OSBPL5: variants seen among roughly 807,000 people sequenced by gnomAD.
The protein encoded by OSBPL5 is oxysterol binding protein like 5, also known as oxysterol-binding protein-related protein 5.
Under a neutral mutation model 111.2 loss-of-function variants are expected in OSBPL5, and 71 were observed. The ratio of observed to expected loss-of-function variants is 0.64; its 90% CI spans 0.53 to 0.78. The LOEUF is 0.78. OSBPL5 is among the 30% of genes least tolerant of loss of function. OSBPL5 has a pLI of 0.00. For missense variants in OSBPL5, 1,210 were observed against 1,189.3 expected, an observed-to-expected ratio of 1.02 and a Z score of -0.26; for synonymous variants, 549 against 513.9, an observed-to-expected ratio of 1.07 and a Z score of -0.93.
At position 3,159,937 on chromosome 11, in the gene OSBPL5, G is replaced by C. The variant is rs542814256; in HGVS notation, c.-22+5279C>G. On this transcript the variant is annotated intron_variant, in intron 1 of 21. Coordinates refer to ENST00000263650, the MANE Select transcript of OSBPL5 (RefSeq NM_020896.4). The stretch of plus-strand genomic sequence containing the variant: ...AAACTCTGCTGACCCTGGCACCTGG[G>C]GTGAAGAATTCCGGCTGCGTCTTCC... Among the ~76,000 whole-genome samples the C allele has an allele frequency of 9.2e-5, 14 of 152,282 alleles. No individual in the cohort carries two copies. The East Asian group carries it at 2.7e-3, about 29-fold the overall frequency.
chr11:3,092,972 G>T lies in OSBPL5; in HGVS notation c.2027C>A (p.Ala676Glu). 6.2e-7 allele frequency: 1 copy of T among 1,601,740 alleles called. No homozygotes were observed. Among genetic ancestry groups the T allele is most frequent in the Non-Finnish European group, 8.5e-7 (1 of 1,175,746 alleles). ...CCGCTCACGGGCCCGCTGCCGCTGTGCCTCCTCCAGTGCAAACTTCTCCTG... is the reference window on the plus strand; with the variant it reads ...CCGCTCACGGGCCCGCTGCCGCTGTTCCTCCTCCAGTGCAAACTTCTCCTG... ...ATQEKFALEE[A>E]QRQRARERQE... The change falls in exon 18 of 22, where the codon GCA (alanine) becomes GAA (glutamate). Residue 676 changes from alanine to glutamate, a missense_variant. Coordinates refer to ENST00000263650, the MANE Select transcript of OSBPL5 (RefSeq NM_020896.4). The surrounding 1 kb of genome is among the most constrained non-coding windows in gnomAD (Gnocchi z 5.4).
chr11:3,132,659 T>C (rs539843964), intron 1 of OSBPL5, among the ~76,000 whole-genome samples: 2 of 152,150 alleles, frequency 1.3e-5, no homozygotes, highest in East Asian at 1.9e-4. Context: ...CATCTCCACA[T>C]GGCCCGGTCC....
chr11:3,131,968 T>C (rs142688763), intron 1 of OSBPL5, among the ~76,000 whole-genome samples: 45 of 11,888 alleles, frequency 3.8e-3, no homozygotes, highest in African/African-American at 0.01. Context: ...CATCCATCCA[T>C]CCATCCACCC....
chr11:3,094,547 G>A, intron 14 of OSBPL5: 2 of 247,708 alleles, frequency 8.1e-6, no homozygotes, highest in Non-Finnish European at 1.4e-5. Flanking sequence ...GCGGAGCCTG[G>A]GAGGTGCGGA....
chr11:3,163,135 C>A (rs1400166741), intron 1 of OSBPL5, among the ~76,000 whole-genome samples: 4 of 152,234 alleles, frequency 2.6e-5, no homozygotes, highest in African/African-American at 9.6e-5. Context: ...GCTCCCCAGG[C>A]CTCTCCGGGA....
At position 3,128,724 on chromosome 11, in the gene OSBPL5, C is replaced by A. The variant is rs567022916; in HGVS notation, c.136+289G>T. 1.1e-4 allele frequency among the ~76,000 whole-genome samples: 17 copies of A among 152,296 alleles called. No homozygotes were observed. In the South Asian group the frequency reaches 3.3e-3, roughly 30 times the overall value. ...TCCCTGGAGCCTGCACTCCATAACT[C>A]CCAAAGCCTGGGCTGACTTTGGGAT... On this transcript the variant is annotated intron_variant, in intron 2 of 21. Transcript: ENST00000263650.
intron 7 of OSBPL5, among the ~76,000 whole-genome samples, chr11:3,117,592 G>GA (rs1270329175): frequency 6.6e-6 from 1 of 152,164 alleles, no homozygotes; most frequent in Non-Finnish European, 1.5e-5. Flanking sequence ...AAACTGGAGA[G>GA]AAAAAATTAT....
At chr11:3,128,491 G>A (rs74442736) in intron 2 of OSBPL5, among the ~76,000 whole-genome samples, 58 of 152,348 alleles carry the variant, frequency 3.8e-4, no homozygotes, top group African/African-American at 1.4e-3. Flanking sequence ...GGCGGGCAGA[G>A]GTTCTGAGTC....
At chr11:3,145,799 C>A (rs1311859102) in intron 1 of OSBPL5, among the ~76,000 whole-genome samples, 2 of 152,218 alleles carry the variant, frequency 1.3e-5, no homozygotes, top group African/African-American at 4.8e-5. Context: ...AGAACCCCGG[C>A]CTGTCGCCCT....
intron 1 of OSBPL5, among the ~76,000 whole-genome samples, chr11:3,160,323 C>T (rs1846916787): frequency 6.6e-6 from 1 of 152,228 alleles, no homozygotes. Context: ...GCAAGCAGGA[C>T]GCCTGGACCC....
chr11:3,090,522 G>A lies in OSBPL5; in HGVS notation c.2398+36C>T, dbSNP rs200659825. On this transcript the variant is annotated intron_variant, in intron 20 of 21. Transcript: ENST00000263650. ...GGTCAGCATCTGAGGCACCCCACCA[G>A]ACAGAGGCCTTGGGGCTGGGCCCAA... 2.4e-5 allele frequency: 39 copies of A among 1,602,108 alleles called. No homozygotes were observed. The East Asian group carries it at 5.4e-4, about 22-fold the overall frequency.
At chr11:3,124,724 G>C (rs1473103876) in intron 3 of OSBPL5, among the ~76,000 whole-genome samples, 1 of 152,134 alleles carries the variant, frequency 6.6e-6, no homozygotes, top group Non-Finnish European at 1.5e-5. Flanking sequence ...ATTGTCTGTG[G>C]CTTCCACCAG....
intron 14 of OSBPL5, chr11:3,094,541 AGCCTGG>A: frequency 4.0e-6 from 1 of 250,328 alleles, no homozygotes; most frequent in Non-Finnish European, 7.0e-6. Flanking sequence ...GGGGGTGCGG[AGCCTGG>A]GAGGTGCGGA....
intron 1 of OSBPL5, among the ~76,000 whole-genome samples, chr11:3,129,960 G>A (rs1362651275): frequency 6.6e-6 from 1 of 152,194 alleles, no homozygotes; most frequent in Admixed American, 6.5e-5. Context: ...TTCCCCTGTG[G>A]GTTCAGAAGC....
chr11:3,133,263 A>C (rs1845860616), intron 1 of OSBPL5, among the ~76,000 whole-genome samples: 1 of 152,252 alleles, frequency 6.6e-6, no homozygotes, highest in African/African-American at 2.4e-5. Flanking sequence ...TGGGAGCCCC[A>C]GGGAGCACAG....
At chr11:3,111,765 A>G (rs1195342811) in intron 7 of OSBPL5, among the ~76,000 whole-genome samples, 1 of 152,166 alleles carries the variant, frequency 6.6e-6, no homozygotes, top group African/African-American at 2.4e-5. Context: ...GATTTTGACT[A>G]CTAAGGGGCT....
rs1056848218 is a variant in OSBPL5 at position 3,126,990 on chromosome 11, C to G, written c.137-435G>C. Among the ~76,000 whole-genome samples the G allele has an allele frequency of 6.6e-6, 1 of 152,208 alleles. No individual in the cohort carries two copies. Among genetic ancestry groups the G allele is most frequent in the Non-Finnish European group, 1.5e-5 (1 of 68,028 alleles). On this transcript the variant is annotated intron_variant, in intron 2 of 21. Coordinates refer to ENST00000263650, the MANE Select transcript of OSBPL5 (RefSeq NM_020896.4). The surrounding 1 kb of genome is among the most constrained non-coding windows in gnomAD (Gnocchi z 6.5). ...GCTGCCGGCCCCTGCGTGCTGGGCTCTTGCTGGGAGGTGGTCAGCCCTGTC... is the reference window on the plus strand; with the variant it reads ...GCTGCCGGCCCCTGCGTGCTGGGCTGTTGCTGGGAGGTGGTCAGCCCTGTC...
At chr11:3,158,461 C>G (rs948240359) in intron 1 of OSBPL5, among the ~76,000 whole-genome samples, 1 of 152,244 alleles carries the variant, frequency 6.6e-6, no homozygotes, top group Non-Finnish European at 1.5e-5. Flanking sequence ...CCTGTCCTGG[C>G]CCCAGGATGT....
Position 3,090,577 on chromosome 11 carries a change from C to T in OSBPL5, c.2379G>A (p.Gln793=). Residue 793 remains glutamine (Q), a synonymous_variant, in exon 20 of 22, where the codon CAG becomes CAA. Coordinates refer to ENST00000263650, the MANE Select transcript of OSBPL5 (RefSeq NM_020896.4). ...ESCPELSDEE[Q]DGDFVPGGES... ...GCTCACCAGGGACAAAGTCACCATC[C>T]TGCTCCTCGTCTGAGAGCTCTGGGC... The T allele has an allele frequency of 2.5e-6, 4 of 1,613,020 alleles. No individual in the cohort carries two copies. Among genetic ancestry groups the T allele is most frequent in the Non-Finnish European group, 3.4e-6 (4 of 1,179,882 alleles).
Sources: allele counts gnomAD v4.1 joint callset (sites outside exome capture counted in the v4.1 genomes callset), GRCh38; gene constraint gnomAD v4.1.1; non-coding constraint Gnocchi (gnomAD v3.1); transcripts MANE v1.5; gene names NCBI Gene and HGNC (gene_info 2026-07-23, HGNC 2026-07-21).